The following PTPRM variants were observed in gnomAD, a reference collection of about 807,000 sequenced individuals.
PTPRM encodes the protein protein tyrosine phosphatase receptor type M.
A neutral mutation model predicts 186.7 loss-of-function variants in PTPRM; 47 were observed. That is an observed-to-expected ratio of 0.25 (90% confidence interval 0.20 to 0.32). The LOEUF is 0.32. Among genes scored for constraint, PTPRM ranks in the 10% least tolerant of loss-of-function variants. The pLI is 1.00. For synonymous variants in PTPRM, 668 were observed against 674.9 expected (o/e 0.99, Z 0.16); for missense variants, 1,494 against 1,865.0 (o/e 0.80, Z 3.66).
rs146475190 is a variant in PTPRM at position 7,888,200 on chromosome 18, C to T, written c.291C>T (p.Ile97=). The T allele has an allele frequency of 1.0e-3, 1,653 of 1,614,082 alleles. 31 individuals are homozygous for T. In the East Asian group the frequency reaches 0.03, roughly 30 times the overall value. The change falls in exon 3 of 33, where the codon ATC becomes ATT. Residue 97 remains isoleucine (I), a synonymous_variant. Coordinates refer to ENST00000580170, the MANE Select transcript of PTPRM (RefSeq NM_001105244.2). ...PQLKENDTHC[I]DFHYFVSSKS... Reference sequence around the variant, plus strand: ...TTAAAGAAAATGACACCCACTGCATCGATTTTCACTATTTTGTGTCCAGCA... The same window carrying T: ...TTAAAGAAAATGACACCCACTGCATTGATTTTCACTATTTTGTGTCCAGCA...
At chr18:8,138,971 A>G (rs988291541) in intron 13 of PTPRM, among the ~76,000 whole-genome samples, 4 of 151,838 alleles carry the variant, frequency 2.6e-5, no homozygotes, top group South Asian at 2.1e-4. Context: ...TTGACCCGCC[A>G]TTGTTTCCCT....
intron 14 of PTPRM, among the ~76,000 whole-genome samples, chr18:8,146,936 G>T (rs2092901320): frequency 6.6e-6 from 1 of 152,108 alleles, no homozygotes; most frequent in Admixed American, 6.5e-5. Context: ...TTTTTGTCAG[G>T]TTTGGCAAAG....
At chr18:8,161,213 A>G (rs924609913) in intron 14 of PTPRM, among the ~76,000 whole-genome samples, 76 of 152,320 alleles carry the variant, frequency 5.0e-4, no homozygotes, top group African/African-American at 1.7e-3. Flanking sequence ...CTTGGGGGAC[A>G]CTTGGGGATG....
chr18:8,389,284 C>T (rs183145942), intron 31 of PTPRM, among the ~76,000 whole-genome samples: 1 of 152,274 alleles, frequency 6.6e-6, no homozygotes, highest in East Asian at 1.9e-4. Context: ...TGCTTTAACC[C>T]ACAGGACTAA....
intron 7 of PTPRM, among the ~76,000 whole-genome samples, chr18:8,004,135 A>G (rs1293078276): frequency 6.6e-6 from 1 of 152,176 alleles, no homozygotes; most frequent in Non-Finnish European, 1.5e-5. Context: ...CTGTGCACTG[A>G]ATTTCTCTAC....
intron 14 of PTPRM, among the ~76,000 whole-genome samples, chr18:8,164,485 G>A (rs1263409277): frequency 6.6e-6 from 1 of 152,206 alleles, no homozygotes; most frequent in African/African-American, 2.4e-5. Context: ...CAAAAATGTG[G>A]TCTATCCATA....
At chr18:8,103,593 G>GTTTGGCTT (rs2091388508) in intron 11 of PTPRM, among the ~76,000 whole-genome samples, 1 of 152,178 alleles carries the variant, frequency 6.6e-6, no homozygotes. Context: ...TGGTTTAAGG[G>GTTTGGCTT]AATATCATGG....
intron 7 of PTPRM, among the ~76,000 whole-genome samples, chr18:8,063,349 G>A (rs918902177): frequency 1.3e-5 from 2 of 151,258 alleles, no homozygotes; most frequent in Admixed American, 6.6e-5. Context: ...CCCACTGTCT[G>A]GCACTCCCTA....
At chr18:7,617,453 C>G (rs2037832972) in intron 1 of PTPRM, among the ~76,000 whole-genome samples, 1 of 152,114 alleles carries the variant, frequency 6.6e-6, no homozygotes. Context: ...TCTGTAAGCT[C>G]TTTAAAGGCA....
rs140628982 is a variant in PTPRM at position 8,026,962 on chromosome 18, A to T, written c.1133-42724A>T. On this transcript the variant is annotated intron_variant, in intron 7 of 32. Coordinates refer to ENST00000580170, the MANE Select transcript of PTPRM (RefSeq NM_001105244.2). Reference sequence around the variant, plus strand: ...AAGGCATTGATTTCTGGAGCTAGTGATATATTCATAAACAAACCATTTCCT... The same window carrying T: ...AAGGCATTGATTTCTGGAGCTAGTGTTATATTCATAAACAAACCATTTCCT... Among the ~76,000 whole-genome samples, 348 of 152,318 alleles carry T rather than the reference A, an allele frequency of 2.3e-3. 1 individual carries two copies. Among genetic ancestry groups the T allele is most frequent in the African/African-American group, 7.8e-3 (324 of 41,572 alleles).
chr18:7,893,840 G>A (rs962067041), intron 3 of PTPRM, among the ~76,000 whole-genome samples: 2 of 152,128 alleles, frequency 1.3e-5, no homozygotes, highest in Admixed American at 1.3e-4. Flanking sequence ...TGAACTGCAG[G>A]CCTTAAAATC....
chr18:7,915,451 C>G (rs1444859783), intron 4 of PTPRM, among the ~76,000 whole-genome samples: 1 of 134,452 alleles, frequency 7.4e-6, no homozygotes, highest in Non-Finnish European at 1.7e-5. Context: ...TGGCAAGATT[C>G]AGAGCATACA....
intron 1 of PTPRM, among the ~76,000 whole-genome samples, chr18:7,676,686 T>C (rs554419976): frequency 0.019 from 2,743 of 145,052 alleles, 96 homozygotes; most frequent in African/African-American, 0.069. Flanking sequence ...TGTGTGTGTG[T>C]GTGCGCGTGC....
Position 7,798,461 on chromosome 18 carries a change from G to A in PTPRM, c.196+24190G>A, listed in dbSNP as rs181588389. Among the ~76,000 whole-genome samples, 51 of 152,046 alleles carry A rather than the reference G, an allele frequency of 3.4e-4. No homozygotes were observed. In the East Asian group the frequency reaches 9.5e-3, roughly 28 times the overall value. On this transcript the variant is annotated intron_variant, in intron 2 of 32. Transcript: ENST00000580170. ...GGAGAATTGTTTGAACCTGGGAGGA[G>A]GAGGTTGCAGTGAGTAGAGATCATG...
chr18:8,402,670 C>A (rs1321239073), intron 32 of PTPRM, among the ~76,000 whole-genome samples: 2 of 152,150 alleles, frequency 1.3e-5, no homozygotes, highest in Non-Finnish European at 1.5e-5. Flanking sequence ...CACTTCACAG[C>A]CAAGATGTCG....
intron 1 of PTPRM, among the ~76,000 whole-genome samples, chr18:7,710,156 CA>C (rs1365306414): frequency 6.6e-6 from 1 of 152,118 alleles, no homozygotes; most frequent in Non-Finnish European, 1.5e-5. Flanking sequence ...AACAAAATAA[CA>C]GCTATCCAAA....
chr18:7,682,148 C>G (rs866656706), intron 1 of PTPRM, among the ~76,000 whole-genome samples: 33 of 152,176 alleles, frequency 2.2e-4, no homozygotes, highest in African/African-American at 7.2e-4. Flanking sequence ...GATTCCAGTT[C>G]AGTTGGTCAG....
chr18:7,597,467 ACT>A (rs2037295389), intron 1 of PTPRM, among the ~76,000 whole-genome samples: 1 of 151,926 alleles, frequency 6.6e-6, no homozygotes, highest in Non-Finnish European at 1.5e-5. Flanking sequence ...CAGTTTTGTT[ACT>A]CTCTTTGGCA....
chr18:8,023,882 C>A (rs1478654934), intron 7 of PTPRM, among the ~76,000 whole-genome samples: 2 of 139,708 alleles, frequency 1.4e-5, no homozygotes, highest in Non-Finnish European at 1.6e-5. Flanking sequence ...GCACACCCCT[C>A]CTATGAATGA....
Sources: gnomAD v4.1 joint callset for allele counts (sites outside exome capture counted in the v4.1 genomes callset) on GRCh38, gnomAD v4.1.1 for gene constraint, MANE v1.5 for transcripts, NCBI Gene and HGNC (gene_info 2026-07-23, HGNC 2026-07-21) for gene names.